STARD13: variants seen among roughly 807,000 people sequenced by gnomAD.
The protein encoded by STARD13 is stAR-related lipid transfer protein 13.
A neutral mutation model predicts 106.4 loss-of-function variants in STARD13; 62 were observed. That is an observed-to-expected ratio of 0.58 (90% CI 0.48 to 0.72). STARD13 has a LOEUF of 0.72. Ranked by LOEUF, STARD13 falls within the 30% of genes least tolerant of loss-of-function variation. The probability of loss-of-function intolerance (pLI) is 0.00; values close to 1 mark genes in which losing one functional copy is unlikely to be tolerated. For synonymous variants in STARD13, 565 were observed against 553.0 expected (o/e 1.02, Z -0.31); for missense variants, 1,387 against 1,424.0 (o/e 0.97, Z 0.42).
chr13:33,156,549 C>T (rs1425330396), intron 3 of STARD13, among the ~76,000 whole-genome samples: 1 of 152,092 alleles, frequency 6.6e-6, no homozygotes, highest in African/African-American at 2.4e-5. Flanking sequence ...CAAGCCCATC[C>T]AAATGTCATG....
chr13:33,586,205 G>A, the STARD13 span, among the ~76,000 whole-genome samples: 3 of 152,106 alleles, frequency 2.0e-5, no homozygotes, highest in African/African-American at 7.2e-5. Flanking sequence ...AGAAGCTGAG[G>A]CCACAAGAGA....
At chr13:33,192,506 G>C (rs1046032635) in intron 1 of STARD13, among the ~76,000 whole-genome samples, 6 of 152,168 alleles carry the variant, frequency 3.9e-5, no homozygotes, top group African/African-American at 1.4e-4. Flanking sequence ...CTGCTTAAAG[G>C]TATCTGCATT....
At chr13:33,333,807 C>T (rs1317431048) in intron 1 of STARD13, 1 of 152,164 alleles carries the variant, frequency 6.6e-6, no homozygotes, top group African/African-American at 2.4e-5. Flanking sequence ...AGTTGGTACT[C>T]TAGAGACTAA....
intron 1 of STARD13, among the ~76,000 whole-genome samples, chr13:33,171,197 G>A (rs559458498): frequency 1.3e-5 from 2 of 152,248 alleles, no homozygotes; most frequent in Non-Finnish European, 2.9e-5. Flanking sequence ...AGTTTTATTT[G>A]TTCTCCATTT....
the STARD13 span, among the ~76,000 whole-genome samples, chr13:33,386,989 G>A: frequency 6.6e-6 from 1 of 152,148 alleles, no homozygotes; most frequent in Non-Finnish European, 1.5e-5. Flanking sequence ...TGGTTGGGTT[G>A]ACAGGTGGAG....
At chr13:33,499,519 TTTC>T in the STARD13 span, among the ~76,000 whole-genome samples, 714 of 91,368 alleles carry the variant, frequency 7.8e-3, 14 homozygotes, top group Admixed American at 0.014. Flanking sequence ...TTCTTCTTTC[TTTC>T]TTCTTCTTCT....
intron 1 of STARD13, among the ~76,000 whole-genome samples, chr13:33,301,558 CTTTTTTTTTCTTTTTTTT>C (rs1892711573): frequency 7.7e-5 from 1 of 13,040 alleles, no homozygotes; most frequent in African/African-American, 1.3e-4. Context: ...GTTTCTTTTT[CTTTTTTTTTCTTTTTTTT>C]TTTTTTTTTG....
chr13:33,621,626 G>A, the STARD13 span, among the ~76,000 whole-genome samples: 235 of 134,892 alleles, frequency 1.7e-3, no homozygotes, highest in African/African-American at 6.4e-3. Context: ...CTTGCAGTGA[G>A]CCGAGAACAC....
chr13:33,288,416 G>A (rs902711308), upstream of STARD13, among the ~76,000 whole-genome samples: 3 of 151,602 alleles, frequency 2.0e-5, no homozygotes, highest in African/African-American at 4.9e-5. Context: ...GACTCCAGGT[G>A]CACACCATCA....
chr13:33,638,715 A>G, the STARD13 span, among the ~76,000 whole-genome samples: 2 of 152,328 alleles, frequency 1.3e-5, no homozygotes, highest in East Asian at 1.9e-4. Context: ...GGAGGAAGGC[A>G]TAATGAGGCA....
At position 33,129,093 on chromosome 13, in the gene STARD13, A is replaced by G. The variant is rs769385026; in HGVS notation, c.1584T>C (p.Ser528=). 1.2e-6 allele frequency: 2 copies of G among 1,614,098 alleles called. No homozygotes were observed. The highest frequency in any genetic ancestry group is 1.7e-6 in the Non-Finnish European group (2 of 1,180,014). ...VGEPGLSTFP[S]PNQITLDFEG... is the part of the protein sequence containing the mutation. Reference sequence around the variant, plus strand: ...CAAAATCTAAGGTGATCTGATTAGGAGATGGAAAGGTGGATAAGCCAGGTT... The same window carrying G: ...CAAAATCTAAGGTGATCTGATTAGGGGATGGAAAGGTGGATAAGCCAGGTT... Residue 528 remains serine (S), a synonymous_variant, in exon 5 of 14, where the codon TCT becomes TCC. Transcript: ENST00000336934.
At chr13:33,284,727 A>ATT (rs67339962) in intron 1 of STARD13, among the ~76,000 whole-genome samples, 2 of 146,898 alleles carry the variant, frequency 1.4e-5, no homozygotes, top group Non-Finnish European at 3.0e-5. Context: ...CATGTTTTAA[A>ATT]TTTTTTTTTT....
intron 3 of STARD13, among the ~76,000 whole-genome samples, chr13:33,162,639 C>A (rs1299921668): frequency 6.6e-6 from 1 of 152,170 alleles, no homozygotes; most frequent in Non-Finnish European, 1.5e-5. Flanking sequence ...GGCAAAATGC[C>A]ACCAGTCTCT....
chr13:33,225,348 C>T (rs1392884729), intron 1 of STARD13, among the ~76,000 whole-genome samples: 5 of 152,194 alleles, frequency 3.3e-5, no homozygotes, highest in Non-Finnish European at 7.3e-5. Flanking sequence ...TCCTCTATTG[C>T]TATCAACAAG....
the STARD13 span, among the ~76,000 whole-genome samples, chr13:33,650,874 C>T: frequency 6.6e-6 from 1 of 152,272 alleles, no homozygotes; most frequent in Admixed American, 6.5e-5. Flanking sequence ...CAGTGTCAAT[C>T]CCCTCTGGGG....
chr13:33,207,123 A>C (rs1249683087), intron 1 of STARD13, among the ~76,000 whole-genome samples: 1 of 152,238 alleles, frequency 6.6e-6, no homozygotes, highest in Admixed American at 6.5e-5. Flanking sequence ...ACTGCCTGTG[A>C]TAAGGAGAGC....
chr13:33,176,224 A>G (rs1884503729), intron 1 of STARD13, among the ~76,000 whole-genome samples: 1 of 152,206 alleles, frequency 6.6e-6, no homozygotes, highest in African/African-American at 2.4e-5. Context: ...GTATAATCCT[A>G]TTATCTGAGT....
At chr13:33,179,718 TACC>T (rs1885044520) in intron 1 of STARD13, among the ~76,000 whole-genome samples, 1 of 152,202 alleles carries the variant, frequency 6.6e-6, no homozygotes, top group African/African-American at 2.4e-5. Flanking sequence ...ATCCAGGCAC[TACC>T]ACAACCAAAG....
chr13:33,442,598 G>T, the STARD13 span, among the ~76,000 whole-genome samples: 1 of 152,116 alleles, frequency 6.6e-6, no homozygotes, highest in Admixed American at 6.5e-5. Flanking sequence ...TGAGATAAAA[G>T]GAGAAACTAA....
Sources: gnomAD v4.1 joint callset for allele counts (sites outside exome capture counted in the v4.1 genomes callset) on GRCh38, gnomAD v4.1.1 for gene constraint, MANE v1.5 for transcripts, NCBI Gene and HGNC (gene_info 2026-07-23, HGNC 2026-07-21) for gene names.